KIAA1217: variants seen among roughly 807,000 people sequenced by gnomAD.
KIAA1217 encodes the protein KIAA1217, also known as sickle tail protein homolog.
Under a neutral mutation model 163.9 loss-of-function variants are expected in KIAA1217, and 88 were observed. That is an observed-to-expected ratio of 0.54 (90% confidence interval 0.45 to 0.64). The LOEUF (loss-of-function observed/expected upper bound fraction) is 0.64. KIAA1217 is among the 30% of genes least tolerant of loss of function. The pLI is 0.00. For missense variants in KIAA1217, 2,372 were observed against 2,475.0 expected, an observed-to-expected ratio of 0.96 and a Z score of 0.88; for synonymous variants, 903 against 923.1, an observed-to-expected ratio of 0.98 and a Z score of 0.39.
intron 2 of KIAA1217, among the ~76,000 whole-genome samples, chr10:24,372,319 G>A (rs975468228): frequency 6.6e-6 from 1 of 152,142 alleles, no homozygotes; most frequent in Non-Finnish European, 1.5e-5. Context: ...AACAACAACT[G>A]AGAAGGCGCA....
chr10:24,039,421 C>A (rs1455216763), intron 2 of KIAA1217, among the ~76,000 whole-genome samples: 1 of 152,122 alleles, frequency 6.6e-6, no homozygotes, highest in African/African-American at 2.4e-5. Context: ...TAGTGATATA[C>A]AACGCAATAC....
intron 2 of KIAA1217, among the ~76,000 whole-genome samples, chr10:24,351,874 T>C (rs979048770): frequency 1.3e-5 from 2 of 152,154 alleles, no homozygotes; most frequent in African/African-American, 4.8e-5. Context: ...CCAGTTCCCC[T>C]AACATCACTC....
At chr10:24,202,405 A>G (rs1487814297) in intron 2 of KIAA1217, among the ~76,000 whole-genome samples, 1 of 151,458 alleles carries the variant, frequency 6.6e-6, no homozygotes, top group East Asian at 1.9e-4. Flanking sequence ...CGGTCAGGAA[A>G]CTCCCTGGGC....
At chr10:24,035,185 G>T (rs536115764) in intron 2 of KIAA1217, among the ~76,000 whole-genome samples, 37 of 152,142 alleles carry the variant, frequency 2.4e-4, no homozygotes, top group Non-Finnish European at 5.0e-4. Flanking sequence ...GTTTCAGTTT[G>T]CTCATCTGTT....
intron 1 of KIAA1217, among the ~76,000 whole-genome samples, chr10:23,970,348 C>A (rs772969134): frequency 1.9e-4 from 29 of 152,078 alleles, no homozygotes; most frequent in African/African-American, 7.0e-4. Flanking sequence ...TCTGGAGGAA[C>A]CTGGGCAACA....
At chr10:24,126,260 T>A (rs912305258) in intron 2 of KIAA1217, among the ~76,000 whole-genome samples, 3 of 152,214 alleles carry the variant, frequency 2.0e-5, no homozygotes, top group African/African-American at 7.2e-5. Flanking sequence ...GTCTTTCAGA[T>A]CATTGATTAT....
At chr10:24,059,292 G>A (rs2131597066) in intron 2 of KIAA1217, among the ~76,000 whole-genome samples, 1 of 151,986 alleles carries the variant, frequency 6.6e-6, no homozygotes, top group East Asian at 1.9e-4. Flanking sequence ...TATTTTGTCG[G>A]GGGTTGTTTT....
At chr10:24,280,037 T>G (rs2077733534) in intron 2 of KIAA1217, among the ~76,000 whole-genome samples, 1 of 152,198 alleles carries the variant, frequency 6.6e-6, no homozygotes, top group Non-Finnish European at 1.5e-5. Context: ...TCTTTTTTAA[T>G]GGGATGGCGT....
At chr10:24,207,562 T>G (rs184202493), upstream of KIAA1217, among the ~76,000 whole-genome samples, 9 of 152,318 alleles carry the variant, frequency 5.9e-5, no homozygotes, top group African/African-American at 2.2e-4. Flanking sequence ...GATTGCCAGG[T>G]AATTCTGTTG....
intron 2 of KIAA1217, among the ~76,000 whole-genome samples, chr10:24,085,706 C>G (rs1028929286): frequency 5.3e-5 from 8 of 152,034 alleles, no homozygotes; most frequent in Non-Finnish European, 1.2e-4. Flanking sequence ...GGCATGGTAG[C>G]TCACGCCTAT....
chr10:23,699,883 A>C (rs557622044), intron 1 of KIAA1217, among the ~76,000 whole-genome samples: 96 of 152,352 alleles, frequency 6.3e-4, no homozygotes, highest in African/African-American at 2.3e-3. Flanking sequence ...GAAGGGAAGG[A>C]ACCAAGTGTT....
intron 3 of KIAA1217, among the ~76,000 whole-genome samples, chr10:24,428,130 A>T (rs532084594): frequency 3.5e-4 from 54 of 152,334 alleles, no homozygotes; most frequent in African/African-American, 1.3e-3. Flanking sequence ...GATGAAAATC[A>T]GACCATCTTC....
At chr10:24,017,035 T>A (rs534228347) in intron 2 of KIAA1217, among the ~76,000 whole-genome samples, 6 of 98,404 alleles carry the variant, frequency 6.1e-5, no homozygotes, top group African/African-American at 2.3e-4. Context: ...TTAGTTAGTT[T>A]TTTTGTTTTT....
intron 3 of KIAA1217, among the ~76,000 whole-genome samples, chr10:24,389,418 G>A (rs2054525830): frequency 1.3e-5 from 2 of 152,068 alleles, no homozygotes; most frequent in African/African-American, 4.8e-5. Context: ...GGGGAATGGG[G>A]GAGGGATAGC....
chr10:24,543,264 G>C lies in KIAA1217; in HGVS notation c.3994G>C (p.Asp1332His). 1.2e-6 allele frequency: 2 copies of C among 1,614,016 alleles called. No homozygotes were observed. Among genetic ancestry groups the C allele is most frequent in the Middle Eastern group, 1.6e-4 (1 of 6,062 alleles). ...TAGACTAACAGAATCAAGCGTGCAT[G>C]ATTTTAAAACAGAAGATCAAGAGGT... ...HTRLTESSVH[D>H]FKTEDQEVIT... Residue 1332 changes from aspartate (D) to histidine (H), a missense_variant, in exon 19 of 21, where the codon GAT (aspartate) becomes CAT (histidine). Asp to His is a moderately conservative substitution (Grantham distance 81). This residue lies in a region of KIAA1217 where 251 missense variants were observed against 327.3 expected (regional missense o/e 0.77). Coordinates refer to ENST00000376454, the MANE Select transcript of KIAA1217 (RefSeq NM_019590.5).
At chr10:23,941,681 G>T (rs1843774353) in intron 1 of KIAA1217, among the ~76,000 whole-genome samples, 2 of 152,104 alleles carry the variant, frequency 1.3e-5, no homozygotes, top group African/African-American at 4.8e-5. Context: ...GAACATACAT[G>T]GAGAATCCCA....
intron 1 of KIAA1217, among the ~76,000 whole-genome samples, chr10:23,853,981 A>G (rs140277920): frequency 0.026 from 4,017 of 152,086 alleles, 78 homozygotes; most frequent in Non-Finnish European, 0.038. Context: ...GGATTCATTA[A>G]TTTTTTGAAG....
chr10:23,856,154 G>T (rs971362479), intron 1 of KIAA1217, among the ~76,000 whole-genome samples: 1 of 152,118 alleles, frequency 6.6e-6, no homozygotes, highest in Non-Finnish European at 1.5e-5. Flanking sequence ...ATCTGCTTTT[G>T]GTCTTTGATG....
intron 5 of KIAA1217, among the ~76,000 whole-genome samples, chr10:24,457,532 G>A (rs1303109090): frequency 6.6e-6 from 1 of 151,910 alleles, no homozygotes; most frequent in Non-Finnish European, 1.5e-5. Flanking sequence ...AAGTAGCCAG[G>A]GTACAGGCAT....
Sources: gnomAD v4.1 joint callset for allele counts (sites outside exome capture counted in the v4.1 genomes callset) on GRCh38, gnomAD v4.1.1 for gene constraint, gnomAD v4.1.1 regional missense constraint, MANE v1.5 for transcripts, NCBI Gene and HGNC (gene_info 2026-07-23, HGNC 2026-07-21) for gene names.